WWP2: variants seen among roughly 807,000 people sequenced by gnomAD.
WWP2 encodes the protein NEDD4-like E3 ubiquitin-protein ligase WWP2.
Under a neutral mutation model 121.0 loss-of-function variants are expected in WWP2, and 57 were observed. That is an observed-to-expected ratio of 0.47 (90% CI 0.38 to 0.59). The LOEUF is 0.59. Ranked by LOEUF, WWP2 falls within the 20% of genes least tolerant of loss-of-function variation. WWP2 has a pLI of 0.00. For missense variants in WWP2, 962 were observed against 1,158.9 expected, an observed-to-expected ratio of 0.83 and a Z score of 2.47; for synonymous variants, 449 against 441.3, an observed-to-expected ratio of 1.02 and a Z score of -0.22.
chr16:69,936,116 T>C (rs1567446025), intron 18 of WWP2, 130 bp downstream of exon 18: 1 of 1,473,988 alleles, frequency 6.8e-7, no homozygotes, highest in Non-Finnish European at 9.2e-7. Flanking sequence ...CTATAAGAGC[T>C]TGTGGAGAGG....
At chr16:69,814,234 A>C (rs11860910) in intron 4 of WWP2, among the ~76,000 whole-genome samples, 7,062 of 152,106 alleles carry the variant, frequency 0.046, 523 homozygotes, top group African/African-American at 0.15. Context: ...GATCATAGGT[A>C]ACTGTAGCCT....
At chr16:69,828,823 C>G (rs747744217) in intron 4 of WWP2, among the ~76,000 whole-genome samples, 1 of 152,134 alleles carries the variant, frequency 6.6e-6, no homozygotes, top group African/African-American at 2.4e-5. Flanking sequence ...CTTCCATGAT[C>G]TCATCTCTGT....
At chr16:69,932,349 AAAAC>A (rs1483633669) in intron 16 of WWP2, among the ~76,000 whole-genome samples, 3 of 152,238 alleles carry the variant, frequency 2.0e-5, no homozygotes, top group Admixed American at 6.5e-5. Context: ...AACAAACAAA[AAAAC>A]AAAATACGTG....
chr16:69,937,887 G>T lies in WWP2; in HGVS notation c.2343+235G>T, dbSNP rs1209132203. Among the ~76,000 whole-genome samples, 2 of 152,194 alleles carry T rather than the reference G, an allele frequency of 1.3e-5. No individual in the cohort carries two copies. Among genetic ancestry groups the T allele is most frequent in the Non-Finnish European group, 2.9e-5 (2 of 68,036 alleles). On this transcript the variant is annotated intron_variant, in intron 21 of 23. Transcript: ENST00000359154. The surrounding 1 kb of genome is among the most constrained non-coding windows in gnomAD (Gnocchi z 6.6). ...TGGTCAGCCTTGGGCCAGCTGGTGTGCAGGGACAGACCTGCAGGCAGACAG... is the reference window on the plus strand; with the variant it reads ...TGGTCAGCCTTGGGCCAGCTGGTGTTCAGGGACAGACCTGCAGGCAGACAG...
intron 6 of WWP2, among the ~76,000 whole-genome samples, chr16:69,850,914 C>T (rs9936589): frequency 0.54 from 81,475 of 151,596 alleles, 22,477 homozygotes; most frequent in East Asian, 0.9. Context: ...ATCAACATCC[C>T]CCACCAGAGT....
At position 69,915,681 on chromosome 16, in the gene WWP2, A is replaced by G. The variant is rs565754536; in HGVS notation, c.1005-2028A>G. Among the ~76,000 whole-genome samples, 7 of 152,322 alleles carry G rather than the reference A, an allele frequency of 4.6e-5. No individual in the cohort carries two copies. In the East Asian group the frequency reaches 1.2e-3, roughly 25 times the overall value. On this transcript the variant is annotated intron_variant, in intron 9 of 23. Coordinates refer to ENST00000359154, the MANE Select transcript of WWP2 (RefSeq NM_001270454.2). ...GGGAACAGGAGTCAGCAATGGGGCA[A>G]GAGACCATCGTTTTTCATTATATTC...
intron 4 of WWP2, among the ~76,000 whole-genome samples, chr16:69,815,674 C>T (rs1199377995): frequency 6.6e-6 from 1 of 151,388 alleles, no homozygotes; most frequent in East Asian, 2.0e-4. Flanking sequence ...GTAGTCCCAG[C>T]TGCTTGGGAG....
At chr16:69,854,810 CA>C (rs1229702333) in intron 6 of WWP2, among the ~76,000 whole-genome samples, 14 of 152,176 alleles carry the variant, frequency 9.2e-5, no homozygotes, top group Non-Finnish European at 1.5e-5. Flanking sequence ...CTTGGCCTCC[CA>C]AAGTGCTGGG....
At chr16:69,783,960 A>G (rs1248907159) in intron 1 of WWP2, among the ~76,000 whole-genome samples, 1 of 152,128 alleles carries the variant, frequency 6.6e-6, no homozygotes, top group Non-Finnish European at 1.5e-5. Context: ...ATCTCTAAAA[A>G]ACATAAGATA....
Position 69,908,743 on chromosome 16 carries a change from CTTGACT to C in WWP2, c.915-15_915-10del, listed in dbSNP as rs372408281. The stretch of plus-strand genomic sequence containing the variant: ...TTTCCACTGTGTGTCTCATGCTACC[CTTGACT>C]TTATTTTTCAGATGGGAACAGCGAG... On this transcript the variant is annotated splice_polypyrimidine_tract_variant and intron_variant, in intron 8 of 23. Transcript: ENST00000359154. 1.0e-4 allele frequency: 168 copies of C among 1,613,868 alleles called. 2 individuals are homozygous for C. In the African/African-American group the frequency reaches 1.9e-3, roughly 18 times the overall value.
At chr16:69,923,326 G>GGC (rs1173945841) in intron 10 of WWP2, among the ~76,000 whole-genome samples, 2 of 100,160 alleles carry the variant, frequency 2.0e-5, no homozygotes, top group East Asian at 7.1e-4. Flanking sequence ...GGGGTGGGGG[G>GGC]GGTGCGTTCT....
At chr16:69,793,666 G>T (rs2055961853) in intron 2 of WWP2, among the ~76,000 whole-genome samples, 1 of 150,554 alleles carries the variant, frequency 6.6e-6, no homozygotes, top group Non-Finnish European at 1.5e-5. Context: ...TCAGTAGATT[G>T]CCAGAAAGAA....
intron 4 of WWP2, among the ~76,000 whole-genome samples, chr16:69,801,551 G>A (rs2056166929): frequency 6.6e-6 from 1 of 151,316 alleles, no homozygotes; most frequent in Non-Finnish European, 1.5e-5. Flanking sequence ...TTAATTTTTA[G>A]ATTGAGATGG....
At chr16:69,827,354 A>G (rs2056720059) in intron 4 of WWP2, among the ~76,000 whole-genome samples, 1 of 152,138 alleles carries the variant, frequency 6.6e-6, no homozygotes, top group African/African-American at 2.4e-5. Flanking sequence ...AGATCGCGCC[A>G]CTGCACTCCA....
intron 8 of WWP2, among the ~76,000 whole-genome samples, chr16:69,905,292 TG>T (rs2058272271): frequency 1.3e-5 from 2 of 152,220 alleles, no homozygotes; most frequent in Non-Finnish European, 2.9e-5. Flanking sequence ...TTGTCCGCTT[TG>T]GGGGGTGTGT....
At chr16:69,791,015 C>CTT (rs2055898398) in intron 2 of WWP2, among the ~76,000 whole-genome samples, 1 of 152,048 alleles carries the variant, frequency 6.6e-6, no homozygotes, top group Non-Finnish European at 1.5e-5. Context: ...TTCTTGGAGT[C>CTT]TTTTGCCTTG....
At chr16:69,889,736 C>G (rs749636126) in intron 8 of WWP2, among the ~76,000 whole-genome samples, 1 of 152,146 alleles carries the variant, frequency 6.6e-6, no homozygotes. Flanking sequence ...ACTGCCTCTC[C>G]TGGTTATCAG....
chr16:69,820,004 C>A (rs557168254), intron 4 of WWP2, among the ~76,000 whole-genome samples: 1 of 152,194 alleles, frequency 6.6e-6, no homozygotes, highest in South Asian at 2.1e-4. Flanking sequence ...CATTAAGAGG[C>A]TGAGGCGGGG....
At chr16:69,938,608 T>C (rs924429519) in intron 21 of WWP2, among the ~76,000 whole-genome samples, 7 of 151,806 alleles carry the variant, frequency 4.6e-5, no homozygotes, top group Non-Finnish European at 8.8e-5. Context: ...ACCGTGCCAC[T>C]GCACTCCAGC....
Sources: allele counts gnomAD v4.1 joint callset (sites outside exome capture counted in the v4.1 genomes callset), GRCh38; gene constraint gnomAD v4.1.1; non-coding constraint Gnocchi (gnomAD v3.1); transcripts MANE v1.5; gene names NCBI Gene and HGNC (gene_info 2026-07-23, HGNC 2026-07-21).